SCHIP1: variants seen among roughly 807,000 people sequenced by gnomAD.
SCHIP1 encodes schwannomin-interacting protein 1.
A neutral mutation model predicts 29.7 loss-of-function variants in SCHIP1; 8 were observed. The observed-to-expected ratio is 0.27, with a 90% CI of 0.16 to 0.49. The LOEUF (loss-of-function observed/expected upper bound fraction) is 0.49. Ranked by LOEUF, SCHIP1 falls within the 20% of genes least tolerant of loss-of-function variation. The pLI is 0.99. For missense variants in SCHIP1, 193 were observed against 294.6 expected (o/e 0.66, Z 2.52); for synonymous variants, 76 against 94.9 (o/e 0.80, Z 1.16).
At chr3:159,781,649 G>A in the SCHIP1 span, among the ~76,000 whole-genome samples, 1 of 152,226 alleles carries the variant, frequency 6.6e-6, no homozygotes, top group Non-Finnish European at 1.5e-5. Flanking sequence ...AGTACAGAGA[G>A]GAGTGGAAGT....
the SCHIP1 span, among the ~76,000 whole-genome samples, chr3:159,608,703 T>C: frequency 6.6e-6 from 1 of 152,240 alleles, no homozygotes; most frequent in Non-Finnish European, 1.5e-5. Context: ...AGTCTAACTC[T>C]GCTTTTAGGA....
chr3:159,395,003 G>A, the SCHIP1 span, among the ~76,000 whole-genome samples: 1 of 152,098 alleles, frequency 6.6e-6, no homozygotes, highest in Admixed American at 6.6e-5. Flanking sequence ...TCCTGTTATT[G>A]GTCTATTCAG....
chr3:159,351,211 T>C, the SCHIP1 span, among the ~76,000 whole-genome samples: 51 of 152,314 alleles, frequency 3.3e-4, no homozygotes, highest in African/African-American at 1.1e-3. Flanking sequence ...GATTATGCTT[T>C]CAATTTGCCT....
the SCHIP1 span, among the ~76,000 whole-genome samples, chr3:159,603,021 G>C: frequency 6.6e-6 from 1 of 152,108 alleles, no homozygotes; most frequent in Admixed American, 6.6e-5. Context: ...TAAGCCCCAG[G>C]GATTTTTTTA....
At chr3:159,459,233 G>A in the SCHIP1 span, among the ~76,000 whole-genome samples, 1 of 152,130 alleles carries the variant, frequency 6.6e-6, no homozygotes, top group East Asian at 1.9e-4. Flanking sequence ...TCCCAGGTAT[G>A]GTCTCCTGGG....
the SCHIP1 span, among the ~76,000 whole-genome samples, chr3:159,278,833 T>C: frequency 6.6e-6 from 1 of 152,188 alleles, no homozygotes; most frequent in Non-Finnish European, 1.5e-5. Context: ...GTTTTTTTCC[T>C]GTTTAGGCAT....
chr3:159,706,214 C>CT, the SCHIP1 span, among the ~76,000 whole-genome samples: 11 of 151,872 alleles, frequency 7.2e-5, no homozygotes, highest in Non-Finnish European at 1.0e-4. Flanking sequence ...TATCTCAAGA[C>CT]TTTTTTTTAA....
intron 2 of SCHIP1, among the ~76,000 whole-genome samples, chr3:159,880,426 C>T (rs573989770): frequency 3.6e-4 from 55 of 152,292 alleles, no homozygotes; most frequent in African/African-American, 1.3e-3. Context: ...CTTGAGGTCC[C>T]TTCCAATGCT....
chr3:159,706,964 T>G, the SCHIP1 span, among the ~76,000 whole-genome samples: 3 of 152,174 alleles, frequency 2.0e-5, no homozygotes, highest in Non-Finnish European at 4.4e-5. Flanking sequence ...TGTCCAGCAC[T>G]CTTAAGTGCT....
the SCHIP1 span, among the ~76,000 whole-genome samples, chr3:159,505,836 G>A: frequency 3.9e-5 from 6 of 152,188 alleles, no homozygotes; most frequent in Non-Finnish European, 5.9e-5. Context: ...AGTCCATGGT[G>A]TATATGTGTC....
chr3:159,692,925 T>G, the SCHIP1 span, among the ~76,000 whole-genome samples: 2 of 152,160 alleles, frequency 1.3e-5, no homozygotes, highest in Admixed American at 1.3e-4. Context: ...ATATAAGGAT[T>G]TCATCAGTTC....
At chr3:159,777,015 C>T in the SCHIP1 span, among the ~76,000 whole-genome samples, 549 of 152,220 alleles carry the variant, frequency 3.6e-3, 2 homozygotes, top group African/African-American at 0.013. Flanking sequence ...TGACTTCGTG[C>T]CATGCCAGAA....
At chr3:159,798,651 G>C in the SCHIP1 span, among the ~76,000 whole-genome samples, 1 of 151,964 alleles carries the variant, frequency 6.6e-6, no homozygotes, top group Non-Finnish European at 1.5e-5. Flanking sequence ...CCAGCTACTC[G>C]GGAGCCTGAG....
the SCHIP1 span, among the ~76,000 whole-genome samples, chr3:159,793,650 C>G: frequency 3.3e-5 from 5 of 152,038 alleles, no homozygotes; most frequent in Non-Finnish European, 7.4e-5. Flanking sequence ...TTCTGCCTCC[C>G]GGGTTCAAGT....
the SCHIP1 span, among the ~76,000 whole-genome samples, chr3:159,534,565 C>T: frequency 6.6e-6 from 1 of 151,988 alleles, no homozygotes. Context: ...GTGTTAACAT[C>T]CAACAAGCAG....
chr3:159,456,473 A>G, the SCHIP1 span, among the ~76,000 whole-genome samples: 3 of 152,162 alleles, frequency 2.0e-5, no homozygotes, highest in East Asian at 1.9e-4. Flanking sequence ...TTCCTCCATG[A>G]AAAAGAGATC....
At chr3:159,728,002 G>GA in the SCHIP1 span, among the ~76,000 whole-genome samples, 1 of 125,080 alleles carries the variant, frequency 8.0e-6, no homozygotes, top group Non-Finnish European at 1.7e-5. Context: ...TCCTGTTTTT[G>GA]TTTTTTTTTT....
the SCHIP1 span, among the ~76,000 whole-genome samples, chr3:159,367,518 T>A: frequency 6.6e-6 from 1 of 152,238 alleles, no homozygotes; most frequent in Non-Finnish European, 1.5e-5. Flanking sequence ...GTGACTCATA[T>A]GTTGTAGCTT....
chr3:159,848,454 T>C (rs1488115375), intron 1 of SCHIP1, among the ~76,000 whole-genome samples: 1 of 152,148 alleles, frequency 6.6e-6, no homozygotes, highest in African/African-American at 2.4e-5. Context: ...AAGGTGGTGT[T>C]TTATTTTGTG....
Sources: gnomAD v4.1 joint callset for allele counts (sites outside exome capture counted in the v4.1 genomes callset) on GRCh38, gnomAD v4.1.1 for gene constraint, MANE v1.5 for transcripts, NCBI Gene and HGNC (gene_info 2026-07-23, HGNC 2026-07-21) for gene names.